Variants in NIPA2 observed in about 807,000 individuals in gnomAD.
The protein encoded by NIPA2 is magnesium transporter NIPA2.
NIPA2 carries 11 observed loss-of-function variants against 29.7 expected under a neutral mutation model. The observed-to-expected ratio is 0.37, with a 90% CI of 0.23 to 0.61. The LOEUF is 0.61. Ranked by LOEUF, NIPA2 falls within the 20% of genes least tolerant of loss-of-function variation. NIPA2 has a pLI of 0.66. For synonymous variants in NIPA2, 183 were observed against 161.9 expected (o/e 1.13, Z -0.99); for missense variants, 426 against 437.9 (o/e 0.97, Z 0.24).
intron 3 of NIPA2, among the ~76,000 whole-genome samples, chr15:22,850,895 G>C (rs1421314390): frequency 6.6e-6 from 1 of 152,168 alleles, no homozygotes; most frequent in Non-Finnish European, 1.5e-5. Context: ...CATAAACCTT[G>C]TTGCTAAAAA....
In NIPA2 at chr15:22,843,504, TAA is replaced by T. The variant is rs201160111; in HGVS notation, c.-215-1627_-215-1626del. 4.4e-3 allele frequency among the ~76,000 whole-genome samples: 611 copies of T among 138,608 alleles called. 4 individuals carry two copies. The highest frequency in any genetic ancestry group is 0.014 in the African/African-American group (513 of 37,688). 90.9% of individuals were successfully genotyped at this position (138,608 alleles called of 152,430 possible). A position where few individuals can be genotyped will look rare whatever the true frequency, so the allele number is the denominator to read the frequency against. ...CTGGGGGACAGAGCGAGACTCCATC[TAA>T]AAAAAAAAAAAAAATCTCTGGACCT... On this transcript the variant is annotated intron_variant, in intron 2 of 7. Coordinates refer to ENST00000337451, the MANE Select transcript of NIPA2 (RefSeq NM_030922.7).
At chr15:22,861,413 C>T (rs2058614008) in intron 7 of NIPA2, among the ~76,000 whole-genome samples, 1 of 152,122 alleles carries the variant, frequency 6.6e-6, no homozygotes, top group African/African-American at 2.4e-5. Context: ...CTTCAGTTTG[C>T]TTTTTCTTGG....
At chr15:22,846,221 A>G (rs1272402574) in intron 3 of NIPA2, among the ~76,000 whole-genome samples, 1 of 152,160 alleles carries the variant, frequency 6.6e-6, no homozygotes, top group Non-Finnish European at 1.5e-5. Flanking sequence ...AATTGCTTTC[A>G]GAATTCCTTG....
At chr15:22,864,446 G>A (rs373988951) in intron 7 of NIPA2, among the ~76,000 whole-genome samples, 27 of 152,008 alleles carry the variant, frequency 1.8e-4, no homozygotes, top group African/African-American at 5.6e-4. Context: ...GAGCCACCAC[G>A]CCCGGCCTGC....
chr15:22,855,641 A>G (rs1454004058), intron 5 of NIPA2, among the ~76,000 whole-genome samples: 1 of 152,158 alleles, frequency 6.6e-6, no homozygotes, highest in Non-Finnish European at 1.5e-5. Flanking sequence ...GTGATGATAA[A>G]TGGGAAGGAG....
chr15:22,858,804 C>G (rs1162414037), intron 6 of NIPA2, among the ~76,000 whole-genome samples, 174 bp downstream of exon 6: 1 of 152,178 alleles, frequency 6.6e-6, no homozygotes, highest in East Asian at 1.9e-4. Context: ...CATAGGCAGG[C>G]TATTGATTTG....
Position 22,867,883 on chromosome 15 carries a change from CAT to C in NIPA2, c.*1039_*1040del, listed in dbSNP as rs2059230873. ...GAAGAAGTCGATGGAAAACTGCAAA[CAT>C]ATGCAGAAAAGGTAGAATAATAAAA... On this transcript the variant is annotated 3_prime_UTR_variant, in exon 8 of 8. Coordinates refer to ENST00000337451, the MANE Select transcript of NIPA2 (RefSeq NM_030922.7). The C allele has an allele frequency of 1.3e-5, 2 of 152,312 alleles. No homozygotes were observed. Among genetic ancestry groups the C allele is most frequent in the African/African-American group, 2.4e-5 (1 of 41,574 alleles). The allele number at this position is 152,312 out of a possible 1,614,324, so 9.4% of individuals were successfully genotyped here.
intron 3 of NIPA2, among the ~76,000 whole-genome samples, chr15:22,848,313 C>G (rs1734681127): frequency 6.6e-6 from 1 of 152,006 alleles, no homozygotes; most frequent in South Asian, 2.1e-4. Flanking sequence ...TTATGGTTCT[C>G]AAGTTTAAAA....
At chr15:22,854,467 G>A (rs367643251) in intron 5 of NIPA2, among the ~76,000 whole-genome samples, 7 of 151,394 alleles carry the variant, frequency 4.6e-5, no homozygotes, top group Admixed American at 1.3e-4. Context: ...TTATTGGGCC[G>A]GGCGCGGTGG....
At chr15:22,840,360 C>CTCGGGCTGGAGTGAGAGAGT (rs1668305567) in intron 2 of NIPA2, among the ~76,000 whole-genome samples, 1 of 149,442 alleles carries the variant, frequency 6.7e-6, no homozygotes, top group East Asian at 1.9e-4. Flanking sequence ...TGCAGTGGCA[C>CTCGGGCTGGAGTGAGAGAGT]GATCTCTGCT....
At chr15:22,844,190 GTATT>G (rs1443138163) in intron 2 of NIPA2, among the ~76,000 whole-genome samples, 1 of 152,118 alleles carries the variant, frequency 6.6e-6, no homozygotes, top group East Asian at 1.9e-4. Flanking sequence ...TATTTGAGAT[GTATT>G]TATTCCATTT....
Position 22,866,629 on chromosome 15 carries a change from A to G in NIPA2, c.865A>G (p.Ile289Val), listed in dbSNP as rs778907045. 15 of 1,613,940 alleles carry G rather than the reference A, an allele frequency of 9.3e-6. No individual in the cohort carries two copies. Among genetic ancestry groups the G allele is most frequent in the African/African-American group, 6.7e-5 (5 of 74,894 alleles). ...TGGTACTTTGAGTGGCTTCTTTACA[A>G]TCATTGTGGGGATATTCTTGTTGCA... ...VIGTLSGFFT[I>V]IVGIFLLHAF... The change falls in exon 8 of 8, where the codon ATC becomes GTC. Residue 289 changes from isoleucine to valine, a missense_variant. Physicochemically the swap from Ile to Val is conservative, Grantham distance 29. Transcript: ENST00000337451.
At chr15:22,863,007 TCCTC>T (rs1353253043) in intron 7 of NIPA2, among the ~76,000 whole-genome samples, 1 of 149,510 alleles carries the variant, frequency 6.7e-6, no homozygotes, top group African/African-American at 2.5e-5. Flanking sequence ...GCTCAAGCGA[TCCTC>T]CCACCTCAGC....
rs1040984627 is a variant in NIPA2 at position 22,867,386 on chromosome 15, A to AAAAC, written c.*543_*546dup. ...CTGAATGAAGGAACCTCTTTCTTAC[A>AAAAC]AAACAAAAAAAAGGGCAGAAATCAC... On this transcript the variant is annotated 3_prime_UTR_variant, in exon 8 of 8. Transcript: ENST00000337451. 13 of 389,008 alleles carry AAAAC rather than the reference A, an allele frequency of 3.3e-5. No homozygotes were observed. The highest frequency in any genetic ancestry group is 1.4e-4 in the South Asian group (1 of 6,966). The allele number at this position is 389,008 out of a possible 1,614,324, so 24.1% of individuals were successfully genotyped here. A position where few individuals can be genotyped will look rare whatever the true frequency, so the allele number is the denominator to read the frequency against.
intron 6 of NIPA2, 126 bp from the exon 7 acceptor site, chr15:22,860,503 C>T: frequency 1.5e-6 from 1 of 686,048 alleles, no homozygotes; most frequent in Non-Finnish European, 2.4e-6. Context: ...TTGGCGAAAG[C>T]CAGAATCTTC....
intron 5 of NIPA2, among the ~76,000 whole-genome samples, chr15:22,857,710 G>A (rs555987296): frequency 6.6e-6 from 1 of 151,862 alleles, no homozygotes; most frequent in East Asian, 2.0e-4. Context: ...GGTGGCGCCC[G>A]CCTGTAGTCC....
intron 2 of NIPA2, among the ~76,000 whole-genome samples, chr15:22,844,149 A>G (rs146921241): frequency 4.9e-4 from 74 of 152,346 alleles, no homozygotes; most frequent in Middle Eastern, 3.4e-3. Context: ...CACATTTTTT[A>G]AGAAAGTGGA....
chr15:22,848,607 C>G (rs903494265), intron 3 of NIPA2, among the ~76,000 whole-genome samples: 1 of 151,892 alleles, frequency 6.6e-6, no homozygotes, highest in Non-Finnish European at 1.5e-5. Flanking sequence ...GGGCGGATCA[C>G]TCGAGGTCAG....
rs11545340 is a variant in NIPA2, at chr15:22,867,231, T to A, written c.*384T>A. Reference sequence around the variant, plus strand: ...TCAATCCCTGACCATGTAAGGCTTTTTTATTTTAAAAAAACAGAGTTATCC... The same window carrying A: ...TCAATCCCTGACCATGTAAGGCTTTATTATTTTAAAAAAACAGAGTTATCC... On this transcript the variant is annotated 3_prime_UTR_variant, in exon 8 of 8. Coordinates refer to ENST00000337451, the MANE Select transcript of NIPA2 (RefSeq NM_030922.7). The A allele has an allele frequency of 1.8e-3, 741 of 404,236 alleles. 2 individuals carry two copies. The highest frequency in any genetic ancestry group is 0.013 in the African/African-American group (618 of 48,770). The allele number at this position is 404,236 out of a possible 1,614,324, so 25.0% of individuals were successfully genotyped here.
Sources: gnomAD v4.1 joint callset for allele counts (sites outside exome capture counted in the v4.1 genomes callset) on GRCh38, gnomAD v4.1.1 for gene constraint, MANE v1.5 for transcripts, NCBI Gene and HGNC (gene_info 2026-07-23, HGNC 2026-07-21) for gene names.